VRK2: variants seen among roughly 807,000 people sequenced by gnomAD.
VRK2 encodes VRK serine/threonine kinase 2.
A neutral mutation model predicts 57.6 loss-of-function variants in VRK2; 60 were observed. That is an observed-to-expected ratio of 1.04 (90% CI 0.85 to 1.29). The LOEUF (loss-of-function observed/expected upper bound fraction) is 1.29, where lower values mean the gene tolerates loss of function less well. Ranked by LOEUF, VRK2 falls within the 50% of genes most tolerant of loss-of-function variation. The pLI, the probability that VRK2 is intolerant of heterozygous loss-of-function variation, is 0.00. For synonymous variants in VRK2, 231 were observed against 199.2 expected (o/e 1.16, Z -1.35); for missense variants, 705 against 588.1 (o/e 1.20, Z -2.06).
At chr2:58,089,576 T>C (rs1672087093) in intron 6 of VRK2, 55 bp from the exon 7 acceptor site, 2 of 1,105,320 alleles carry the variant, frequency 1.8e-6, no homozygotes, top group Admixed American at 4.9e-5. Context: ...AATGTTGAAA[T>C]TGATCATGAG....
intron 7 of VRK2, among the ~76,000 whole-genome samples, chr2:58,112,052 A>G (rs2104416489): frequency 6.6e-6 from 1 of 152,324 alleles, no homozygotes; most frequent in African/African-American, 2.4e-5. Flanking sequence ...TTAGTTCTGC[A>G]CAAACTCATT....
Position 58,048,934 on chromosome 2 carries a change from A to G in VRK2, c.103A>G (p.Ile35Val). Reference protein sequence around the residue: ...EGNQWVLGKKIGSGGFGLIYL... With the variant: ...EGNQWVLGKKVGSGGFGLIYL... ...CAATCAGTGGGTACTGGGCAAGAAG[A>G]TTGGCTCTGGAGGATTTGGATTGAT... The change falls in exon 2 of 13, where the codon ATT (isoleucine) becomes GTT (valine). Residue 35 changes from isoleucine to valine, a missense_variant. By Grantham distance (29) the Ile-to-Val change is conservative (BLOSUM62 3). Coordinates refer to ENST00000340157, the MANE Select transcript of VRK2 (RefSeq NM_006296.7). 6.2e-7 allele frequency: 1 copy of G among 1,613,930 alleles called. No homozygotes were observed. Among genetic ancestry groups the G allele is most frequent in the East Asian group, 2.2e-5 (1 of 44,842 alleles).
chr2:58,013,781 C>A (rs1445974364), intron 1 of VRK2, among the ~76,000 whole-genome samples: 1 of 149,632 alleles, frequency 6.7e-6, no homozygotes, highest in Non-Finnish European at 1.5e-5. Flanking sequence ...ATGGCGTGAA[C>A]CCGGAAGGCG....
At chr2:58,004,475 C>A (rs962411243) in intron 1 of VRK2, among the ~76,000 whole-genome samples, 1 of 151,952 alleles carries the variant, frequency 6.6e-6, no homozygotes, top group Non-Finnish European at 1.5e-5. Flanking sequence ...ATGATTTTAG[C>A]CTGTGAAACA....
At chr2:58,115,048 C>T (rs1189295529) in intron 7 of VRK2, among the ~76,000 whole-genome samples, 1 of 152,036 alleles carries the variant, frequency 6.6e-6, no homozygotes, top group Non-Finnish European at 1.5e-5. Flanking sequence ...GAAGTTATTT[C>T]CTTGAGGATA....
At chr2:57,953,965 C>A (rs1240261136) in intron 1 of VRK2, among the ~76,000 whole-genome samples, 1 of 152,108 alleles carries the variant, frequency 6.6e-6, no homozygotes, top group African/African-American at 2.4e-5. Context: ...CTTTCCCTGG[C>A]AAAACTTCTT....
At chr2:57,956,086 C>G (rs905844562) in intron 1 of VRK2, among the ~76,000 whole-genome samples, 1 of 151,948 alleles carries the variant, frequency 6.6e-6, no homozygotes, top group Non-Finnish European at 1.5e-5. Context: ...AAATGAGCAC[C>G]CTGCAGCATT....
At chr2:58,066,988 G>A (rs7579768) in intron 2 of VRK2, among the ~76,000 whole-genome samples, 3,275 of 152,282 alleles carry the variant, frequency 0.022, 131 homozygotes, top group African/African-American at 0.074. Context: ...TGAGTGGGCA[G>A]CATCTAATCA....
chr2:58,123,445 C>G (rs1284147999), intron 8 of VRK2, among the ~76,000 whole-genome samples: 2 of 152,102 alleles, frequency 1.3e-5, no homozygotes, highest in African/African-American at 4.8e-5. Context: ...GGTGAAGGAG[C>G]AAAAGTGTGT....
intron 1 of VRK2, among the ~76,000 whole-genome samples, chr2:57,972,823 C>T (rs1353124663): frequency 6.6e-6 from 1 of 151,732 alleles, no homozygotes; most frequent in Admixed American, 6.6e-5. Flanking sequence ...CACTTAAAAA[C>T]CTATACTAAG....
At chr2:58,090,115 G>A (rs1465318435) in intron 7 of VRK2, among the ~76,000 whole-genome samples, 5 of 152,140 alleles carry the variant, frequency 3.3e-5, no homozygotes, top group African/African-American at 1.2e-4. Flanking sequence ...AAGCAGAGAG[G>A]CCGGGCGCGG....
At chr2:58,062,549 A>G (rs1572903380) in intron 2 of VRK2, among the ~76,000 whole-genome samples, 1 of 152,034 alleles carries the variant, frequency 6.6e-6, no homozygotes, top group East Asian at 1.9e-4. Flanking sequence ...TCTTAAAAGA[A>G]ATTAAAAGTG....
chr2:58,051,221 A>G (rs1256662033), intron 2 of VRK2, among the ~76,000 whole-genome samples: 1 of 152,186 alleles, frequency 6.6e-6, no homozygotes, highest in Non-Finnish European at 1.5e-5. Flanking sequence ...GTAAGGGAAC[A>G]TTCTCTAGTA....
chr2:58,081,764 A>C (rs1330963243), intron 2 of VRK2, among the ~76,000 whole-genome samples: 1 of 151,544 alleles, frequency 6.6e-6, no homozygotes, highest in African/African-American at 2.4e-5. Context: ...ACATTTGTGT[A>C]TGAGTATTTG....
At chr2:58,062,561 TA>T (rs1677506711) in intron 2 of VRK2, among the ~76,000 whole-genome samples, 1 of 151,966 alleles carries the variant, frequency 6.6e-6, no homozygotes, top group Non-Finnish European at 1.5e-5. Flanking sequence ...TTAAAAGTGC[TA>T]AAGTGAAGCA....
intron 12 of VRK2, among the ~76,000 whole-genome samples, chr2:58,152,027 G>A (rs13415751): frequency 6.6e-6 from 1 of 151,358 alleles, no homozygotes; most frequent in South Asian, 2.1e-4. Flanking sequence ...CTGCCTAACA[G>A]AAATATAATG....
intron 1 of VRK2, among the ~76,000 whole-genome samples, chr2:57,988,270 C>A (rs779571308): frequency 1.3e-5 from 2 of 152,100 alleles, no homozygotes; most frequent in Non-Finnish European, 2.9e-5. Context: ...ATGTTAAAAT[C>A]TCTTCACATA....
intron 10 of VRK2, among the ~76,000 whole-genome samples, chr2:58,136,917 T>C (rs1558685011): frequency 8.2e-6 from 1 of 121,714 alleles, no homozygotes; most frequent in East Asian, 2.0e-4. Flanking sequence ...ATATATATCA[T>C]ATATGTGTAT....
intron 7 of VRK2, among the ~76,000 whole-genome samples, chr2:58,096,294 G>T (rs1477027385): frequency 1.3e-5 from 2 of 152,018 alleles, no homozygotes; most frequent in Non-Finnish European, 2.9e-5. Context: ...TTCATAAAAA[G>T]AATTTGGAGG....
Sources: gnomAD v4.1 joint callset for allele counts (sites outside exome capture counted in the v4.1 genomes callset) on GRCh38, gnomAD v4.1.1 for gene constraint, MANE v1.5 for transcripts, NCBI Gene and HGNC (gene_info 2026-07-23, HGNC 2026-07-21) for gene names.